Variants in PIGG observed in about 807,000 individuals in gnomAD.
PIGG encodes the protein phosphatidylinositol glycan anchor biosynthesis class G (EMM blood group).
A neutral mutation model predicts 83.2 loss-of-function variants in PIGG; 70 were observed. That is an observed-to-expected ratio of 0.84 (90% confidence interval 0.69 to 1.03). The LOEUF (loss-of-function observed/expected upper bound fraction) is 1.03. Among genes scored for constraint, PIGG ranks in the 50% least tolerant of loss-of-function variants. The probability of loss-of-function intolerance (pLI) is 0.00; values close to 1 mark genes in which losing one functional copy is unlikely to be tolerated. For missense variants in PIGG, 1,257 were observed against 1,233.6 expected (o/e 1.02, Z -0.28); for synonymous variants, 532 against 519.5 (o/e 1.02, Z -0.33).
chr4:522,532 C>T (rs1200473261), intron 8 of PIGG: 1 of 182,516 alleles, frequency 5.5e-6, no homozygotes, highest in Admixed American at 5.3e-5. Flanking sequence ...GATGGTCACA[C>T]TCAGATCCAC....
chr4:527,519 C>T (rs1727985302), intron 10 of PIGG: 7 of 1,168,584 alleles, frequency 6.0e-6, no homozygotes, highest in Non-Finnish European at 7.4e-6. Flanking sequence ...ATAAAACCTT[C>T]AGGGTGTGTG....
At chr4:511,295 TTA>T (rs1491441289) in intron 5 of PIGG, among the ~76,000 whole-genome samples, 1 of 142,798 alleles carries the variant, frequency 7.0e-6, no homozygotes, top group Non-Finnish European at 1.5e-5. Context: ...CTCCCCATCT[TTA>T]AAAAAAAAAA....
chr4:517,038 A>C (rs1182369289), intron 6 of PIGG, among the ~76,000 whole-genome samples: 1 of 151,994 alleles, frequency 6.6e-6, no homozygotes, highest in African/African-American at 2.4e-5. Flanking sequence ...AGCAGGGGCC[A>C]GAGTGGCAAG....
chr4:507,470 C>T lies in PIGG; in HGVS notation c.636C>T (p.Ile212=), dbSNP rs200793346. 6.2e-7 allele frequency: 1 copy of T among 1,613,818 alleles called. No individual in the cohort carries two copies. The highest frequency in any genetic ancestry group is 2.2e-5 in the East Asian group (1 of 44,882). The part of the protein sequence containing the change: ...VLKRGDWDIL[I]LHYLGLDHIG... ...AAAGAGGAGATTGGGACATATTAAT[C>T]CTCCACTACCTGGGGCTGGACCACA... The change falls in exon 4 of 13, where the codon ATC becomes ATT. Residue 212 remains isoleucine (I), a synonymous_variant. Transcript: ENST00000453061.
At chr4:521,621 G>A (rs1725910850) in intron 7 of PIGG, 39 bp from the exon 8 acceptor site, 1 of 1,598,402 alleles carries the variant, frequency 6.3e-7, no homozygotes, top group African/African-American at 1.3e-5. Flanking sequence ...GTTTCTCCAA[G>A]CCCAGCAGTC....
At chr4:517,659 G>T (rs575766530) in intron 6 of PIGG, among the ~76,000 whole-genome samples, 70 of 152,228 alleles carry the variant, frequency 4.6e-4, no homozygotes, top group Non-Finnish European at 9.1e-4. Flanking sequence ...GATGGAGAGT[G>T]GGGGAAGGCC....
intron 12 of PIGG, among the ~76,000 whole-genome samples, chr4:534,977 C>T (rs1375002568): frequency 6.6e-5 from 10 of 152,246 alleles, no homozygotes; most frequent in African/African-American, 2.2e-4. Flanking sequence ...CCCATCCACA[C>T]GCCCGTCTTC....
In PIGG at chr4:505,933, T is replaced by G. The variant is rs1411708447; in HGVS notation, c.570+6T>G. The G allele has an allele frequency of 6.3e-7, 1 of 1,589,828 alleles. No homozygotes were observed. The highest frequency in any genetic ancestry group is 8.6e-7 in the Non-Finnish European group (1 of 1,159,730). On this transcript the variant is annotated splice_donor_region_variant and intron_variant, in intron 3 of 12. Transcript: ENST00000453061. Reference sequence around the variant, plus strand: ...TCGTGTCAGATTACACAGAGGTCAGTTTTTAAAATAAGAAAATATATCATA... The same window carrying G: ...TCGTGTCAGATTACACAGAGGTCAGGTTTTAAAATAAGAAAATATATCATA...
chr4:511,426 T>G (rs1183730625), intron 5 of PIGG, among the ~76,000 whole-genome samples: 4 of 152,198 alleles, frequency 2.6e-5, no homozygotes, highest in African/African-American at 9.7e-5. Flanking sequence ...ACTTTCTGGC[T>G]GTGATGAATA....
rs1041142903 is a variant in PIGG at position 523,857 on chromosome 4, A to G, written c.2013A>G (p.Leu671=). Reference sequence around the variant, plus strand: ...CCTGCTGCCGGCTGCTGCGCTCCCTAAACCAGACAGGTGTGCAGTGGGCTC... The same window carrying G: ...CCTGCTGCCGGCTGCTGCGCTCCCTGAACCAGACAGGTGTGCAGTGGGCTC... ...ILACCRLLRS[L]NQTGVQWAHR... is the part of the protein sequence containing the mutation. Residue 671 remains leucine, a synonymous_variant, in exon 9 of 13, where the codon CTA becomes CTG. Transcript: ENST00000453061. 1 of 1,588,852 alleles carries G rather than the reference A, an allele frequency of 6.3e-7. No individual in the cohort carries two copies.
intron 8 of PIGG, chr4:522,905 G>A (rs1488702234): frequency 1.3e-5 from 2 of 153,812 alleles, no homozygotes; most frequent in Non-Finnish European, 2.9e-5. Context: ...TGCCAACTTT[G>A]TCATTTCAAC....
chr4:527,244 G>A lies in PIGG; in HGVS notation c.2261+14G>A, dbSNP rs199874555. 3.6e-5 allele frequency: 56 copies of A among 1,565,188 alleles called. No individual in the cohort carries two copies. The highest frequency in any genetic ancestry group is 2.8e-4 in the Admixed American group (15 of 53,458). ...GGACATTTCCAAGTAAGTGCGTGGC[G>A]GACACGGGGTGCATAGAGCCACTTT... On this transcript the variant is annotated intron_variant, in intron 10 of 12. Coordinates refer to ENST00000453061, the MANE Select transcript of PIGG (RefSeq NM_001127178.3).
In PIGG at chr4:526,717, CTTT is replaced by C. The variant is rs34114111; in HGVS notation, c.2070-308_2070-306del. On this transcript the variant is annotated intron_variant, in intron 9 of 12. Coordinates refer to ENST00000453061, the MANE Select transcript of PIGG (RefSeq NM_001127178.3). ...AGAAGTGAGAGTTCAAGTTAACTGT[CTTT>C]TTTTTTTTTTTTTAATGAGTTCTCA... is the stretch of plus-strand genomic sequence containing the variant. 8.3e-3 allele frequency among the ~76,000 whole-genome samples: 1,136 copies of C among 137,608 alleles called. 16 individuals are homozygous for C. Among genetic ancestry groups the C allele is most frequent in the African/African-American group, 0.028 (1,052 of 37,806 alleles). 90.3% of individuals were successfully genotyped at this position (137,608 alleles called of 152,430 possible).
intron 9 of PIGG, among the ~76,000 whole-genome samples, chr4:524,170 G>A (rs1259713303): frequency 6.6e-6 from 1 of 152,206 alleles, no homozygotes; most frequent in African/African-American, 2.4e-5. Flanking sequence ...GTTCATGATT[G>A]AAAACTTGTG....
chr4:534,018 G>A, intron 12 of PIGG, 37 bp downstream of exon 12: 1 of 1,599,148 alleles, frequency 6.3e-7, no homozygotes, highest in Non-Finnish European at 8.6e-7. Flanking sequence ...AGTTCTGGGG[G>A]CCGGCTGCCT....
At position 533,928 on chromosome 4, in the gene PIGG, G is replaced by C. The variant is rs1409469333; in HGVS notation, c.2682G>C (p.Gly894=). 1 of 1,614,192 alleles carries C rather than the reference G, an allele frequency of 6.2e-7. No homozygotes were observed. Among genetic ancestry groups the C allele is most frequent in the Non-Finnish European group, 8.5e-7 (1 of 1,180,024 alleles). ...VLLTAFGTYA[G]PVLWASHLVH... is the part of the protein sequence containing the mutation. ...TGACAGCGTTTGGGACGTACGCAGG[G>C]CCTGTGCTGTGGGCCAGCCACTTAG... The change falls in exon 12 of 13, where the codon GGG becomes GGC. Residue 894 remains glycine, a synonymous_variant. Coordinates refer to ENST00000453061, the MANE Select transcript of PIGG (RefSeq NM_001127178.3).
At chr4:519,537 G>A (rs973249750) in intron 6 of PIGG, among the ~76,000 whole-genome samples, 3 of 152,216 alleles carry the variant, frequency 2.0e-5, no homozygotes, top group Admixed American at 1.3e-4. Context: ...GCCCAGGTGC[G>A]TGACTCACCC....
In PIGG at chr4:516,036, T is replaced by G; in HGVS notation, c.965T>G (p.Leu322Arg). ...TDVAATLAIA[L>R]GLPIPKDSVG... is the part of the protein sequence containing the mutation. Reference sequence around the variant, plus strand: ...GTGGCTGCGACACTGGCGATAGCACTTGGCTTACCGATTCCAAAAGACAGT... The same window carrying G: ...GTGGCTGCGACACTGGCGATAGCACGTGGCTTACCGATTCCAAAAGACAGT... The change falls in exon 6 of 13, where the codon CTT (leucine) becomes CGT (arginine). Residue 322 changes from leucine to arginine, a missense_variant. Transcript: ENST00000453061. The G allele has an allele frequency of 6.2e-7, 1 of 1,614,266 alleles. No homozygotes were observed. The highest frequency in any genetic ancestry group is 8.5e-7 in the Non-Finnish European group (1 of 1,180,038).
intron 4 of PIGG, among the ~76,000 whole-genome samples, chr4:507,936 GTTCTGTGTCACTCTCTC>G (rs1333729413): frequency 3.3e-5 from 5 of 151,906 alleles, no homozygotes; most frequent in Non-Finnish European, 7.4e-5. Flanking sequence ...GTCACTCTCT[GTTCTGTGTCACTCTCTC>G]TTCTGTGTCA....
Sources: gnomAD v4.1 joint callset for allele counts (sites outside exome capture counted in the v4.1 genomes callset) on GRCh38, gnomAD v4.1.1 for gene constraint, MANE v1.5 for transcripts, NCBI Gene and HGNC (gene_info 2026-07-23, HGNC 2026-07-21) for gene names.